Variants in FYB1 observed in about 807,000 individuals in gnomAD.
The protein encoded by FYB1 is FYN-binding protein 1.
FYB1 carries 41 observed loss-of-function variants against 94.1 expected under a neutral mutation model. The observed-to-expected ratio is 0.44, with a 90% CI of 0.34 to 0.57. The LOEUF is 0.57. FYB1 is among the 20% of genes least tolerant of loss of function. The probability of loss-of-function intolerance (pLI) is 0.02; values close to 1 mark genes in which losing one functional copy is unlikely to be tolerated. For missense variants in FYB1, 1,050 were observed against 976.8 expected, an observed-to-expected ratio of 1.07 and a Z score of -1.00; for synonymous variants, 367 against 353.2, an observed-to-expected ratio of 1.04 and a Z score of -0.44.
chr5:39,204,455 T>C (rs1204375725), intron 1 of FYB1, among the ~76,000 whole-genome samples: 1 of 152,144 alleles, frequency 6.6e-6, no homozygotes, highest in Non-Finnish European at 1.5e-5. Context: ...AAAATGCCTG[T>C]CTGGTGTACA....
At position 39,204,561 on chromosome 5, in the gene FYB1, C is replaced by T. The variant is rs1016517634; in HGVS notation, c.-27-1574G>A. On this transcript the variant is annotated intron_variant, in intron 1 of 18. Transcript: ENST00000512982. ...CTAACAGTTGTAGGAACTGTGAGCA[C>T]AGGCAGGCAAACTCAGGTGTATCTG... Among the ~76,000 whole-genome samples, 62 of 152,168 alleles carry T rather than the reference C, an allele frequency of 4.1e-4. 1 individual carries two copies. Among genetic ancestry groups the T allele is most frequent in the Admixed American group, 3.9e-3 (60 of 15,290 alleles).
intron 1 of FYB1, among the ~76,000 whole-genome samples, chr5:39,234,661 G>T (rs141161138): frequency 9.1e-4 from 138 of 152,252 alleles, no homozygotes; most frequent in African/African-American, 3.2e-3. Flanking sequence ...ATCAATGATA[G>T]AATGGATAAG....
intron 1 of FYB1, among the ~76,000 whole-genome samples, chr5:39,231,147 C>CAAAAAAAAAAAAAAAAAA (rs747268330): frequency 7.3e-5 from 3 of 40,936 alleles, no homozygotes; most frequent in Admixed American, 2.3e-4. Flanking sequence ...CAGCTCAGAG[C>CAAAAAAAAAAAAAAAAAA]AAAAAAAAAA....
upstream of FYB1, among the ~76,000 whole-genome samples, chr5:39,221,762 C>G (rs1750273727): frequency 6.6e-6 from 1 of 152,006 alleles, no homozygotes; most frequent in Admixed American, 6.5e-5. Flanking sequence ...TTTGGGAGGC[C>G]TAGGAGGGTA....
intron 1 of FYB1, among the ~76,000 whole-genome samples, chr5:39,267,794 C>G (rs1467995540): frequency 1.3e-5 from 2 of 152,098 alleles, no homozygotes; most frequent in Admixed American, 6.5e-5. Flanking sequence ...AACAAGGTAA[C>G]TTGTGTTAGA....
At chr5:39,255,477 T>G (rs1751899632) in intron 1 of FYB1, among the ~76,000 whole-genome samples, 1 of 150,726 alleles carries the variant, frequency 6.6e-6, no homozygotes, top group Non-Finnish European at 1.5e-5. Context: ...TTCAGTACCT[T>G]TTTTTATACC....
rs35970892 is a variant in FYB1, at chr5:39,110,361, C to T, written c.2430G>A (p.Ala810=). The T allele has an allele frequency of 0.027, 42,176 of 1,590,586 alleles. 688 individuals carry two copies. Among genetic ancestry groups the T allele is most frequent in the Non-Finnish European group, 0.032 (37,071 of 1,164,582 alleles). The stretch of plus-strand genomic sequence containing the variant: ...GTAGAAGAAAATGGGCTTACTTGTC[C>T]GCTAGGTAACTCCGAAGGACATAAC... ...KYGYVLRSYL[A]DNDGEIYDDI... Residue 810 remains alanine (A), a synonymous_variant, in exon 17 of 19, where the codon GCG becomes GCA. Transcript: ENST00000512982.
intron 1 of FYB1, among the ~76,000 whole-genome samples, chr5:39,261,333 T>C (rs181799): frequency 0.53 from 56,981 of 107,890 alleles, 12,025 homozygotes; most frequent in South Asian, 0.57. Context: ...CGTGTGTAGA[T>C]TAAGACACAC....
rs954154531 is a variant in FYB1, at chr5:39,247,102, A to G, written c.-28+27301T>C. 2.2e-3 allele frequency among the ~76,000 whole-genome samples: 317 copies of G among 141,010 alleles called. 7 individuals carry two copies. Among genetic ancestry groups the G allele is most frequent in the Non-Finnish European group, 3.8e-3 (246 of 65,480 alleles). The allele number at this position is 141,010 out of a possible 152,430, so 92.5% of individuals were successfully genotyped here. On this transcript the variant is annotated intron_variant, in intron 1 of 1. Transcript: ENST00000510188. ...TATATATATATATATATATATATAT[A>G]TATATATATATATGACTATATACCA...
At chr5:39,187,028 A>G (rs1205687069) in intron 2 of FYB1, among the ~76,000 whole-genome samples, 1 of 152,160 alleles carries the variant, frequency 6.6e-6, no homozygotes, top group Admixed American at 6.5e-5. Context: ...TGATAAAAAA[A>G]ATGATTGTGA....
At chr5:39,150,462 G>A (rs543244897) in intron 3 of FYB1, among the ~76,000 whole-genome samples, 3 of 152,282 alleles carry the variant, frequency 2.0e-5, no homozygotes, top group Admixed American at 2.0e-4. Context: ...AACCTCCTCT[G>A]CTTCAATCTT....
chr5:39,121,039 A>C (rs1043268960), intron 14 of FYB1, among the ~76,000 whole-genome samples: 15 of 152,248 alleles, frequency 9.9e-5, no homozygotes, highest in African/African-American at 3.4e-4. Context: ...TAAACTCTGA[A>C]AATAAGCAAA....
chr5:39,203,495 ATT>A (rs201203751), intron 1 of FYB1, among the ~76,000 whole-genome samples: 1 of 150,778 alleles, frequency 6.6e-6, no homozygotes, highest in Non-Finnish European at 1.5e-5. Context: ...TTGCAAGAGT[ATT>A]TTTTTTTGCT....
chr5:39,234,747 A>G (rs1031861417), intron 1 of FYB1, among the ~76,000 whole-genome samples: 1 of 152,160 alleles, frequency 6.6e-6, no homozygotes. Context: ...TTGCAGGGAC[A>G]TGGATGAAGC....
At chr5:39,163,972 G>T (rs1045519508) in intron 2 of FYB1, among the ~76,000 whole-genome samples, 10 of 152,144 alleles carry the variant, frequency 6.6e-5, no homozygotes, top group African/African-American at 2.4e-4. Context: ...ATTTTTGAGG[G>T]AATAGTGAAT....
intron 3 of FYB1, among the ~76,000 whole-genome samples, chr5:39,142,228 C>T (rs988578274): frequency 5.3e-5 from 8 of 152,270 alleles, no homozygotes; most frequent in African/African-American, 1.9e-4. Context: ...CCTTCTCTTG[C>T]GTTGTCCTTC....
chr5:39,212,685 A>G (rs1235765285), intron 1 of FYB1: 4 of 152,236 alleles, frequency 2.6e-5, no homozygotes, highest in Admixed American at 1.3e-4. Flanking sequence ...CACCTTTGTT[A>G]TAATGGTGCT....
At chr5:39,263,189 A>T (rs1371198376) in intron 1 of FYB1, among the ~76,000 whole-genome samples, 9 of 152,176 alleles carry the variant, frequency 5.9e-5, no homozygotes, top group Non-Finnish European at 2.9e-5. Flanking sequence ...CCGAATCAAG[A>T]ACTGGAGCCC....
chr5:39,125,886 G>T, intron 12 of FYB1, 112 bp downstream of exon 12: 1 of 1,056,376 alleles, frequency 9.5e-7, no homozygotes, highest in Non-Finnish European at 1.3e-6. Flanking sequence ...ATTGCATTAA[G>T]ATGATTTAAG....
Sources: allele counts gnomAD v4.1 joint callset (sites outside exome capture counted in the v4.1 genomes callset), GRCh38; gene constraint gnomAD v4.1.1; transcripts MANE v1.5; gene names NCBI Gene and HGNC (gene_info 2026-07-23, HGNC 2026-07-21).